NETO1: variants seen among roughly 807,000 people sequenced by gnomAD.
The protein encoded by NETO1 is neuropilin and tolloid like 1.
Under a neutral mutation model 61.3 loss-of-function variants are expected in NETO1, and 26 were observed. That is an observed-to-expected ratio of 0.42 (90% CI 0.31 to 0.59). The LOEUF (loss-of-function observed/expected upper bound fraction) is 0.59, where lower values mean the gene tolerates loss of function less well. Among genes scored for constraint, NETO1 ranks in the 20% least tolerant of loss-of-function variants. The pLI is 0.12. For missense variants in NETO1, 531 were observed against 662.8 expected (o/e 0.80, Z 2.18); for synonymous variants, 225 against 225.8 (o/e 1.00, Z 0.03).
At chr18:72,827,463 G>T (rs1243268020) in intron 4 of NETO1, among the ~76,000 whole-genome samples, 1 of 152,184 alleles carries the variant, frequency 6.6e-6, no homozygotes, top group Admixed American at 6.5e-5. Context: ...GGAACTCACA[G>T]CAAGGGGCCA....
At chr18:72,805,325 A>G (rs1382374340) in intron 4 of NETO1, among the ~76,000 whole-genome samples, 1 of 152,218 alleles carries the variant, frequency 6.6e-6, no homozygotes, top group Non-Finnish European at 1.5e-5. Context: ...TTTATGAGAC[A>G]GAGTTCTCAA....
At chr18:72,812,735 C>T (rs1032025548) in intron 4 of NETO1, among the ~76,000 whole-genome samples, 6 of 152,088 alleles carry the variant, frequency 3.9e-5, no homozygotes, top group South Asian at 4.1e-4. Flanking sequence ...CAACTTCTTC[C>T]GAAATATTCA....
intron 4 of NETO1, among the ~76,000 whole-genome samples, chr18:72,832,732 G>A (rs1340609586): frequency 6.6e-6 from 1 of 152,178 alleles, no homozygotes; most frequent in African/African-American, 2.4e-5. Flanking sequence ...TTAATGGACA[G>A]GCTGAAGTAT....
intron 4 of NETO1, among the ~76,000 whole-genome samples, chr18:72,800,663 T>C (rs1400235534): frequency 6.6e-6 from 1 of 152,110 alleles, no homozygotes; most frequent in Non-Finnish European, 1.5e-5. Context: ...CCCCAGCACA[T>C]GGAAAAATTG....
chr18:72,779,832 G>A (rs1035764280), intron 7 of NETO1, among the ~76,000 whole-genome samples: 5 of 152,136 alleles, frequency 3.3e-5, no homozygotes, highest in African/African-American at 1.2e-4. Flanking sequence ...ATAAAAAACA[G>A]GGTTTTGTTT....
intron 4 of NETO1, among the ~76,000 whole-genome samples, chr18:72,798,487 G>C (rs1176052186): frequency 6.6e-6 from 1 of 152,192 alleles, no homozygotes; most frequent in Non-Finnish European, 1.5e-5. Flanking sequence ...AGCGGCATCT[G>C]GTGACAGGCT....
At chr18:72,853,139 A>G (rs931913662) in intron 4 of NETO1, among the ~76,000 whole-genome samples, 2 of 152,072 alleles carry the variant, frequency 1.3e-5, no homozygotes, top group African/African-American at 2.4e-5. Context: ...CTTGTCACAC[A>G]TTGGTAATTT....
intron 4 of NETO1, chr18:72,835,456 C>G: frequency 2.0e-6 from 1 of 498,158 alleles, no homozygotes; most frequent in Non-Finnish European, 3.5e-6. Flanking sequence ...AGTTAAAACT[C>G]CTGTTTATTC....
intron 4 of NETO1, among the ~76,000 whole-genome samples, chr18:72,841,906 T>G (rs1231150012): frequency 6.6e-6 from 1 of 152,124 alleles, no homozygotes; most frequent in African/African-American, 2.4e-5. Flanking sequence ...ACCAAGGGCT[T>G]GTGCCACCTT....
At chr18:72,765,600 G>A (rs980162951) in intron 7 of NETO1, among the ~76,000 whole-genome samples, 13 of 151,894 alleles carry the variant, frequency 8.6e-5, no homozygotes, top group African/African-American at 2.4e-4. Flanking sequence ...TGTATTTTCC[G>A]TAGAGATGGG....
At chr18:72,846,436 C>T (rs1418672215) in intron 4 of NETO1, among the ~76,000 whole-genome samples, 5 of 125,352 alleles carry the variant, frequency 4.0e-5, no homozygotes, top group South Asian at 2.8e-4. Context: ...ACCTGGGAGG[C>T]GGAGGTTGCA....
rs985534165 is a variant in NETO1, at chr18:72,747,096, G to C, written c.*1083C>G. On this transcript the variant is annotated 3_prime_UTR_variant, in exon 11 of 11. Transcript: ENST00000327305. ...AACTTTTAGAAGCCAAATATTTTGGGAAGTAAACCTCAATACTGAAGGACA... is the reference window on the plus strand; with the variant it reads ...AACTTTTAGAAGCCAAATATTTTGGCAAGTAAACCTCAATACTGAAGGACA... 1.3e-5 allele frequency: 2 copies of C among 151,874 alleles called. No individual in the cohort carries two copies. Among genetic ancestry groups the C allele is most frequent in the African/African-American group, 2.4e-5 (1 of 41,392 alleles). 9.4% of individuals were successfully genotyped at this position (151,874 alleles called of 1,614,324 possible).
intron 4 of NETO1, chr18:72,853,250 T>G (rs2074309905): frequency 6.6e-6 from 1 of 152,164 alleles, no homozygotes; most frequent in African/African-American, 2.4e-5. Flanking sequence ...CCTTTTCCAT[T>G]TAAGAGCCTC....
At chr18:72,852,657 G>A (rs542397210) in intron 4 of NETO1, among the ~76,000 whole-genome samples, 6 of 151,910 alleles carry the variant, frequency 3.9e-5, no homozygotes, top group Non-Finnish European at 7.4e-5. Flanking sequence ...CACCCACCTA[G>A]ACCAAACAAG....
intron 4 of NETO1, among the ~76,000 whole-genome samples, chr18:72,818,920 T>C (rs1398861941): frequency 1.3e-5 from 2 of 152,240 alleles, no homozygotes; most frequent in East Asian, 1.9e-4. Context: ...AATGGAAATA[T>C]AGTTAGGCGT....
chr18:72,832,324 T>C (rs2145401907), intron 4 of NETO1, among the ~76,000 whole-genome samples: 1 of 152,188 alleles, frequency 6.6e-6, no homozygotes, highest in East Asian at 1.9e-4. Context: ...GGAAAAACAT[T>C]ATTGTTTGTA....
intron 4 of NETO1, 71 bp downstream of exon 4, chr18:72,858,755 A>C (rs1277795672): frequency 3.6e-6 from 5 of 1,404,406 alleles, no homozygotes; most frequent in African/African-American, 1.4e-5. Context: ...GTTGTCTTAC[A>C]CAAGATTTTG....
intron 4 of NETO1, among the ~76,000 whole-genome samples, chr18:72,851,395 G>A (rs890596195): frequency 6.8e-6 from 1 of 146,808 alleles, no homozygotes; most frequent in Non-Finnish European, 1.5e-5. Context: ...TGGGCAACAA[G>A]AGCGAAACTC....
chr18:72,855,139 C>T (rs1476332089), intron 4 of NETO1, among the ~76,000 whole-genome samples: 1 of 152,136 alleles, frequency 6.6e-6, no homozygotes, highest in East Asian at 1.9e-4. Flanking sequence ...TAACTTTTAA[C>T]ATTCTTGGTG....
Sources: gnomAD v4.1 joint callset for allele counts (sites outside exome capture counted in the v4.1 genomes callset) on GRCh38, gnomAD v4.1.1 for gene constraint, MANE v1.5 for transcripts, NCBI Gene and HGNC (gene_info 2026-07-23, HGNC 2026-07-21) for gene names.